Variants in GAB3 observed in about 807,000 individuals in gnomAD.
GAB3 encodes GRB2-associated-binding protein 3.
A neutral mutation model predicts 40.4 loss-of-function variants in GAB3; 12 were observed. That is an observed-to-expected ratio of 0.30 (90% CI 0.19 to 0.48). GAB3 has a LOEUF of 0.48. Among genes scored for constraint, GAB3 ranks in the 20% least tolerant of loss-of-function variants. The pLI is 0.99. For missense variants in GAB3, 381 were observed against 461.9 expected, an observed-to-expected ratio of 0.82 and a Z score of 1.61; for synonymous variants, 154 against 176.7, an observed-to-expected ratio of 0.87 and a Z score of 1.02.
At chrX:154,687,457 C>T (rs1167388989) in intron 8 of GAB3, among the ~76,000 whole-genome samples, 1 of 108,993 alleles carries the variant, frequency 9.2e-6, no homozygotes, top group Admixed American at 9.7e-5. Context: ...CGGTGAAACC[C>T]CGTCTCTACT....
At position 154,707,416 on chromosome X, in the gene GAB3, A is replaced by G. The variant is rs190010892; in HGVS notation, c.1069+4813T>C. On this transcript the variant is annotated intron_variant, in intron 4 of 9. Coordinates refer to ENST00000424127, the MANE Select transcript of GAB3 (RefSeq NM_001081573.3). ...TAATTAGCTTGATTTTAATCATTCC[A>G]TGATATAGATGTATATCAAAACATC... Among the ~76,000 whole-genome samples the G allele has an allele frequency of 1.3e-3, 151 of 112,632 alleles. No homozygotes were observed. The Middle Eastern group carries it at 0.042, about 31-fold the overall frequency.
At chrX:154,690,526 T>A (rs371525499) in intron 8 of GAB3, among the ~76,000 whole-genome samples, 7 of 111,911 alleles carry the variant, frequency 6.3e-5, no homozygotes, top group Non-Finnish European at 1.1e-4. Context: ...CATCTGACAA[T>A]GGGCTAATAT....
At chrX:154,679,065 G>C (rs2070337368) in intron 9 of GAB3, 3 of 313,031 alleles carry the variant, frequency 9.6e-6, no homozygotes. Context: ...GCTGAGATGG[G>C]AGGATAACTT....
chrX:154,732,740 G>A lies in GAB3; in HGVS notation c.73-16411C>T, dbSNP rs2071308734. Among the ~76,000 whole-genome samples, 7 of 111,497 alleles carry A rather than the reference G, an allele frequency of 6.3e-5. No homozygotes were observed. The South Asian group carries it at 2.7e-3, about 42-fold the overall frequency. ...CACCCCAGGGTCAGTGGGAAACCCA[G>A]CAGTCAGCTACAGCCCCAAATGAAT... On this transcript the variant is annotated intron_variant, in intron 1 of 9. Transcript: ENST00000424127.
At chrX:154,685,747 C>T (rs1557247666) in intron 8 of GAB3, among the ~76,000 whole-genome samples, 1 of 111,373 alleles carries the variant, frequency 9.0e-6, no homozygotes. Flanking sequence ...ATTAAGAGTC[C>T]ATAAAAAACC....
chrX:154,713,132 G>T, intron 3 of GAB3, 75 bp downstream of exon 3: 1 of 834,546 alleles, frequency 1.2e-6, no homozygotes, highest in Non-Finnish European at 1.8e-6. Flanking sequence ...GCTACGGACT[G>T]CAAGAGGAGG....
intron 8 of GAB3, among the ~76,000 whole-genome samples, chrX:154,683,007 A>C (rs781863881): frequency 8.9e-6 from 1 of 112,079 alleles, no homozygotes; most frequent in Admixed American, 9.4e-5. Flanking sequence ...AATAAATAAA[A>C]AGACTTTTCC....
At chrX:154,700,477 G>A (rs1403291609) in intron 4 of GAB3, among the ~76,000 whole-genome samples, 14 of 111,089 alleles carry the variant, frequency 1.3e-4, no homozygotes, top group Admixed American at 8.6e-4. Flanking sequence ...TCAGGTAGAC[G>A]CATGGAGAGA....
chrX:154,696,298 C>CAAA (rs35105330), intron 7 of GAB3, among the ~76,000 whole-genome samples: 40 of 40,041 alleles, frequency 1.0e-3, no homozygotes, highest in Non-Finnish European at 1.2e-3. Context: ...TATCATTTAG[C>CAAA]AAAAAAAAAA....
upstream of GAB3, chrX:154,751,157 CG>C (rs2071610768): frequency 1.8e-6 from 1 of 547,198 alleles, no homozygotes; most frequent in African/African-American, 2.6e-5. Flanking sequence ...CTGCGACCCC[CG>C]CCTCCGGCCG....
rs782298518 is a variant in GAB3 at position 154,708,622 on chromosome X, A to C, written c.1069+3607T>G. Among the ~76,000 whole-genome samples the C allele has an allele frequency of 1.2e-4, 14 of 112,338 alleles. No individual in the cohort carries two copies. In the East Asian group the frequency reaches 3.4e-3, roughly 27 times the overall value. Reference sequence around the variant, plus strand: ...GGTATATGAAAAAATGCTCGACATCACTAACCATCATGGAAATGCAAATCA... The same window carrying C: ...GGTATATGAAAAAATGCTCGACATCCCTAACCATCATGGAAATGCAAATCA... On this transcript the variant is annotated intron_variant, in intron 4 of 9. Transcript: ENST00000424127.
chrX:154,699,957 G>A, intron 5 of GAB3, 47 bp downstream of exon 5: 1 of 1,068,238 alleles, frequency 9.4e-7, no homozygotes, highest in South Asian at 1.9e-5. Context: ...AGATCAAGCT[G>A]TTTTTGGTAA....
In GAB3 at chrX:154,741,487, C is replaced by A. The variant is rs1376156244; in HGVS notation, c.72+9467G>T. 1.3e-4 allele frequency among the ~76,000 whole-genome samples: 14 copies of A among 109,543 alleles called. No homozygotes were observed. In the Admixed American group the frequency reaches 1.4e-3, roughly 11 times the overall value. ...GGTCAGGAGTTCAAGACCAGCCTAG[C>A]CAACATGGTGAAACCCCATCTCTGC... On this transcript the variant is annotated intron_variant, in intron 1 of 9. Coordinates refer to ENST00000424127, the MANE Select transcript of GAB3 (RefSeq NM_001081573.3).
intron 9 of GAB3, chrX:154,679,229 T>C (rs782291904): frequency 1.2e-5 from 4 of 340,354 alleles, no homozygotes; most frequent in Admixed American, 9.4e-5. Context: ...TATTCTGTGA[T>C]TCTGCAATCT....
At chrX:154,738,216 C>T (rs1410041203) in intron 1 of GAB3, among the ~76,000 whole-genome samples, 1 of 111,703 alleles carries the variant, frequency 9.0e-6, no homozygotes, top group Non-Finnish European at 1.9e-5. Context: ...CTAATGGAAT[C>T]TCCAGCTGCT....
intron 8 of GAB3, among the ~76,000 whole-genome samples, chrX:154,694,657 T>G (rs1208975867): frequency 1.8e-5 from 2 of 112,210 alleles, no homozygotes; most frequent in African/African-American, 6.5e-5. Context: ...CCTCCCAAAG[T>G]GCTGGGATTA....
chrX:154,692,896 T>C (rs1264421800), intron 8 of GAB3, among the ~76,000 whole-genome samples: 1 of 112,559 alleles, frequency 8.9e-6, no homozygotes, highest in African/African-American at 3.2e-5. Context: ...AAAACAAGTT[T>C]GGTGGTTCCT....
In GAB3 at chrX:154,735,129, G is replaced by T. The variant is rs782515943; in HGVS notation, c.72+15825C>A. The stretch of plus-strand genomic sequence containing the variant: ...ATCTAATTTTAAATGAGACATCTTT[G>T]TATATAAGCCTGGCAAAAATGTTCA... On this transcript the variant is annotated intron_variant, in intron 1 of 9. Coordinates refer to ENST00000424127, the MANE Select transcript of GAB3 (RefSeq NM_001081573.3). 1.5e-4 allele frequency among the ~76,000 whole-genome samples: 17 copies of T among 112,246 alleles called. 1 individual carries two copies. In the South Asian group the frequency reaches 6.2e-3, roughly 41 times the overall value.
intron 4 of GAB3, 141 bp downstream of exon 4, chrX:154,712,088 C>CT (rs1372920895): frequency 3.1e-5 from 14 of 452,364 alleles, no homozygotes; most frequent in Non-Finnish European, 4.5e-5. Context: ...ACTGATGTGG[C>CT]TTTTTACCAA....
Sources: allele counts gnomAD v4.1 joint callset (sites outside exome capture counted in the v4.1 genomes callset), GRCh38; gene constraint gnomAD v4.1.1; transcripts MANE v1.5; gene names NCBI Gene and HGNC (gene_info 2026-07-23, HGNC 2026-07-21).